GRHL2: variants seen among roughly 807,000 people sequenced by gnomAD.
The protein encoded by GRHL2 is grainyhead like transcription factor 2.
GRHL2 carries 21 observed loss-of-function variants against 83.8 expected under a neutral mutation model. That is an observed-to-expected ratio of 0.25 (90% confidence interval 0.18 to 0.36). The LOEUF (loss-of-function observed/expected upper bound fraction) is 0.36, where lower values mean the gene tolerates loss of function less well. Ranked by LOEUF, GRHL2 falls within the 10% of genes least tolerant of loss-of-function variation. GRHL2 has a pLI of 1.00. For missense variants in GRHL2, 623 were observed against 781.8 expected (o/e 0.80, Z 2.42); for synonymous variants, 280 against 278.9 (o/e 1.00, Z -0.04).
chr8:101,590,759 C>T (rs1480876614), intron 7 of GRHL2, among the ~76,000 whole-genome samples: 1 of 152,154 alleles, frequency 6.6e-6, no homozygotes, highest in East Asian at 1.9e-4. Context: ...GTCGAGCTCT[C>T]AGCTTTTGTT....
At chr8:101,626,799 TAA>T (rs903480567) in intron 9 of GRHL2, among the ~76,000 whole-genome samples, 1 of 152,098 alleles carries the variant, frequency 6.6e-6, no homozygotes, top group Non-Finnish European at 1.5e-5. Context: ...GAATATTTTC[TAA>T]AAGTCTGAGG....
chr8:101,539,064 A>G (rs1043241611), intron 1 of GRHL2, among the ~76,000 whole-genome samples: 12 of 152,332 alleles, frequency 7.9e-5, no homozygotes, highest in African/African-American at 2.9e-4. Flanking sequence ...GAGACTCAGC[A>G]GGAGGGAGTA....
At chr8:101,534,146 A>G (rs777473459) in intron 1 of GRHL2, among the ~76,000 whole-genome samples, 4 of 152,196 alleles carry the variant, frequency 2.6e-5, no homozygotes, top group Non-Finnish European at 4.4e-5. Context: ...TACTATCTCA[A>G]AACTTAGCAG....
At chr8:101,619,823 G>A in intron 9 of GRHL2, 126 bp downstream of exon 9, 1 of 705,486 alleles carries the variant, frequency 1.4e-6, no homozygotes, top group Admixed American at 2.2e-5. Flanking sequence ...TCATCACAGT[G>A]GGAGTGGTAA....
At chr8:101,677,777 C>A in the GRHL2 span, among the ~76,000 whole-genome samples, 2 of 152,040 alleles carry the variant, frequency 1.3e-5, no homozygotes, top group South Asian at 4.2e-4. Flanking sequence ...CCAAGGGTGT[C>A]TGGGACCATA....
At chr8:101,582,466 A>G (rs1199047983) in intron 7 of GRHL2, among the ~76,000 whole-genome samples, 1 of 152,198 alleles carries the variant, frequency 6.6e-6, no homozygotes. Context: ...GATGAAGCAT[A>G]GATGGAATTT....
chr8:101,580,171 T>A (rs543486592), intron 7 of GRHL2, among the ~76,000 whole-genome samples: 92 of 152,246 alleles, frequency 6.0e-4, no homozygotes, highest in African/African-American at 1.9e-3. Flanking sequence ...TTCTTTTTTT[T>A]AAATTGATAC....
At chr8:101,578,859 C>T (rs1204715560) in intron 7 of GRHL2, among the ~76,000 whole-genome samples, 1 of 152,242 alleles carries the variant, frequency 6.6e-6, no homozygotes, top group Admixed American at 6.5e-5. Flanking sequence ...GGGTGAGAGG[C>T]TCACTGTAGA....
intron 1 of GRHL2, among the ~76,000 whole-genome samples, chr8:101,536,554 G>A (rs1811048752): frequency 1.3e-5 from 2 of 152,176 alleles, no homozygotes; most frequent in Admixed American, 6.5e-5. Context: ...ACACAGAAAG[G>A]TTAACTAAGT....
chr8:101,636,724 T>TACACACAA (rs202189942), intron 11 of GRHL2, 173 bp from the exon 12 acceptor site: 2 of 483,594 alleles, frequency 4.1e-6, no homozygotes, highest in Non-Finnish European at 3.7e-6. Flanking sequence ...TCCTTAGAAA[T>TACACACAA]ACACACACAC....
chr8:101,557,466 C>T (rs1400258736), intron 3 of GRHL2, among the ~76,000 whole-genome samples: 3 of 152,066 alleles, frequency 2.0e-5, no homozygotes, highest in Non-Finnish European at 4.4e-5. Flanking sequence ...ACAGGTGATT[C>T]GCCTGCCTTG....
the GRHL2 span, among the ~76,000 whole-genome samples, chr8:101,680,915 G>A: frequency 5.1e-4 from 63 of 123,888 alleles, no homozygotes; most frequent in Admixed American, 1.9e-3. Context: ...TCTCTGGGAC[G>A]CATTCAAAGC....
intron 1 of GRHL2, among the ~76,000 whole-genome samples, chr8:101,534,532 G>C (rs748226456): frequency 6.6e-6 from 1 of 152,066 alleles, no homozygotes; most frequent in Non-Finnish European, 1.5e-5. Flanking sequence ...TGGTCATATA[G>C]ACCAACCCTG....
intron 4 of GRHL2, among the ~76,000 whole-genome samples, chr8:101,561,160 T>A (rs1198638509): frequency 1.3e-5 from 2 of 152,080 alleles, no homozygotes; most frequent in African/African-American, 2.4e-5. Context: ...AAGTAATTTT[T>A]TTTTTTTTAC....
chr8:101,585,255 C>T (rs912453514), intron 7 of GRHL2, among the ~76,000 whole-genome samples: 2 of 152,364 alleles, frequency 1.3e-5, no homozygotes, highest in African/African-American at 4.8e-5. Context: ...GATTTGCTCT[C>T]TCCCTACAGT....
At chr8:101,579,450 C>A (rs1217416285) in intron 7 of GRHL2, among the ~76,000 whole-genome samples, 1 of 152,154 alleles carries the variant, frequency 6.6e-6, no homozygotes, top group African/African-American at 2.4e-5. Flanking sequence ...CATGTGTCCC[C>A]ATAGGCACAC....
chr8:101,635,343 G>A (rs1813265262), intron 11 of GRHL2, among the ~76,000 whole-genome samples: 1 of 152,070 alleles, frequency 6.6e-6, no homozygotes. Context: ...AGAAATAGTG[G>A]GTCTTTATGG....
intron 4 of GRHL2, chr8:101,562,503 G>C: frequency 3.5e-6 from 1 of 284,216 alleles, no homozygotes. Flanking sequence ...AACCCGTGTG[G>C]GTCCCCACCA....
the GRHL2 span, among the ~76,000 whole-genome samples, chr8:101,678,742 G>C: frequency 6.6e-6 from 1 of 152,068 alleles, no homozygotes; most frequent in Admixed American, 6.5e-5. Context: ...TCTGAGAACG[G>C]GCAGACTGCC....
Sources: gnomAD v4.1 joint callset for allele counts (sites outside exome capture counted in the v4.1 genomes callset) on GRCh38, gnomAD v4.1.1 for gene constraint, MANE v1.5 for transcripts, NCBI Gene and HGNC (gene_info 2026-07-23, HGNC 2026-07-21) for gene names.